The following ACBD6 variants were observed in gnomAD, a reference collection of about 807,000 sequenced individuals.
ACBD6 encodes acyl-CoA binding domain containing 6, also known as acyl-CoA-binding domain-containing protein 6.
ACBD6 carries 28 observed loss-of-function variants against 37.2 expected under a neutral mutation model. That is an observed-to-expected ratio of 0.75 (90% CI 0.56 to 1.03). The LOEUF (loss-of-function observed/expected upper bound fraction) is 1.03. Ranked by LOEUF, ACBD6 falls within the 50% of genes least tolerant of loss-of-function variation. The probability of loss-of-function intolerance (pLI) is 0.00; values close to 1 mark genes in which losing one functional copy is unlikely to be tolerated. For missense variants in ACBD6, 340 were observed against 337.4 expected, an observed-to-expected ratio of 1.01 and a Z score of -0.06; for synonymous variants, 113 against 126.8, an observed-to-expected ratio of 0.89 and a Z score of 0.73.
At chr1:180,422,211 CTT>C (rs112259081) in intron 4 of ACBD6, among the ~76,000 whole-genome samples, 5 of 144,636 alleles carry the variant, frequency 3.5e-5, no homozygotes, top group Admixed American at 6.9e-5. Context: ...TTTCTTTTTT[CTT>C]TTTTTTTTTT....
intron 6 of ACBD6, among the ~76,000 whole-genome samples, chr1:180,391,611 C>T (rs757023768): frequency 2.6e-4 from 40 of 152,240 alleles, no homozygotes; most frequent in Non-Finnish European, 3.4e-4. Context: ...GATGCTACTT[C>T]CCATACCTTA....
intron 3 of ACBD6, among the ~76,000 whole-genome samples, chr1:180,458,247 C>T (rs905323791): frequency 5.3e-5 from 8 of 152,194 alleles, no homozygotes; most frequent in Non-Finnish European, 1.2e-4. Context: ...GTTAGAACCA[C>T]TTTCAAAAAG....
intron 6 of ACBD6, among the ~76,000 whole-genome samples, chr1:180,337,809 C>T (rs1651803514): frequency 6.6e-6 from 1 of 152,220 alleles, no homozygotes; most frequent in South Asian, 2.1e-4. Flanking sequence ...AGCAAAGTCT[C>T]AGGGTACAAA....
At chr1:180,401,386 T>G (rs10913983) in intron 5 of ACBD6, among the ~76,000 whole-genome samples, 73,940 of 152,090 alleles carry the variant, frequency 0.49, 20,806 homozygotes, top group South Asian at 0.66. Flanking sequence ...CACATCTTAA[T>G]ATATGAAATG....
chr1:180,428,179 A>G (rs981449590), intron 4 of ACBD6, among the ~76,000 whole-genome samples: 4 of 152,180 alleles, frequency 2.6e-5, no homozygotes, highest in Admixed American at 6.5e-5. Context: ...TGATATCATA[A>G]GACTAATACT....
intron 6 of ACBD6, among the ~76,000 whole-genome samples, chr1:180,321,580 T>C (rs1013668970): frequency 4.6e-5 from 7 of 152,156 alleles, no homozygotes; most frequent in African/African-American, 1.7e-4. Context: ...TTTTTCAGAC[T>C]GTTTGCATAT....
intron 9 of ACBD6, chr1:180,276,220 T>C (rs2149270240): frequency 1.3e-5 from 2 of 152,298 alleles, no homozygotes; most frequent in Non-Finnish European, 2.9e-5. Flanking sequence ...CTACGAATGG[T>C]TGGTCACCTT....
intron 6 of ACBD6, among the ~76,000 whole-genome samples, chr1:180,348,754 A>AT (rs11415827): frequency 0.065 from 9,857 of 152,196 alleles, 792 homozygotes; most frequent in East Asian, 0.3. Context: ...AGTCTAATTC[A>AT]TTTTTTTGAT....
At chr1:180,270,029 T>C (rs2149265207) in exon 14 of ACBD6, 1 of 152,400 alleles carries the variant, frequency 6.6e-6, no homozygotes, top group African/African-American at 2.4e-5. Flanking sequence ...ATGTCCTGGC[T>C]GCACAGCTGC....
intron 6 of ACBD6, among the ~76,000 whole-genome samples, chr1:180,325,233 T>C (rs1314109843): frequency 1.3e-5 from 2 of 152,170 alleles, no homozygotes; most frequent in Non-Finnish European, 2.9e-5. Flanking sequence ...AACTCTTAGA[T>C]TTGCCCTTTT....
At chr1:180,332,680 T>G (rs1260948076) in intron 6 of ACBD6, among the ~76,000 whole-genome samples, 2 of 152,036 alleles carry the variant, frequency 1.3e-5, no homozygotes, top group Non-Finnish European at 2.9e-5. Context: ...TATATTATAG[T>G]GAGTTGTATA....
intron 1 of ACBD6, among the ~76,000 whole-genome samples, chr1:180,497,331 A>G (rs1490638166): frequency 6.6e-6 from 1 of 152,066 alleles, no homozygotes; most frequent in African/African-American, 2.4e-5. Context: ...GGATGTGTGG[A>G]AAAGTGATAC....
intron 3 of ACBD6, among the ~76,000 whole-genome samples, chr1:180,442,339 C>T (rs990774292): frequency 7.9e-5 from 12 of 151,944 alleles, no homozygotes; most frequent in African/African-American, 2.7e-4. Flanking sequence ...ATGTCTGGGG[C>T]AATTTTTTAG....
intron 6 of ACBD6, among the ~76,000 whole-genome samples, chr1:180,387,479 C>A (rs543769295): frequency 1.3e-5 from 2 of 152,330 alleles, no homozygotes; most frequent in South Asian, 2.1e-4. Flanking sequence ...TACCTCTGGG[C>A]AGGAGATGAA....
At chr1:180,449,060 T>C (rs558814409) in intron 3 of ACBD6, among the ~76,000 whole-genome samples, 2 of 152,150 alleles carry the variant, frequency 1.3e-5, no homozygotes, top group Non-Finnish European at 1.5e-5. Context: ...CACAAATAAA[T>C]AGATTAGTAT....
At chr1:180,373,326 G>A (rs1026595443) in intron 6 of ACBD6, among the ~76,000 whole-genome samples, 5 of 152,034 alleles carry the variant, frequency 3.3e-5, no homozygotes, top group Admixed American at 6.6e-5. Context: ...TGCTATTTCA[G>A]AGTTTCATTA....
At chr1:180,451,403 T>C (rs1417028789) in intron 3 of ACBD6, among the ~76,000 whole-genome samples, 1 of 152,176 alleles carries the variant, frequency 6.6e-6, no homozygotes, top group Non-Finnish European at 1.5e-5. Flanking sequence ...TAAAGATATA[T>C]GTACACACAA....
rs1651300452 is a variant in ACBD6, at chr1:180,327,496, G to A, written c.664-12774C>T. On this transcript the variant is annotated intron_variant, in intron 6 of 7. Coordinates refer to ENST00000367595, the MANE Select transcript of ACBD6 (RefSeq NM_032360.4). The stretch of plus-strand genomic sequence containing the variant: ...AACCAGGTACTGTGATTGCTCATCT[G>A]ATTTTTGGTTCTTATGACAGTGCTC... Among the ~76,000 whole-genome samples, 3 of 152,168 alleles carry A rather than the reference G, an allele frequency of 2.0e-5. No homozygotes were observed. The South Asian group carries it at 6.2e-4, about 32-fold the overall frequency.
At chr1:180,483,094 C>T (rs1015613395) in intron 3 of ACBD6, among the ~76,000 whole-genome samples, 4 of 152,108 alleles carry the variant, frequency 2.6e-5, no homozygotes, top group African/African-American at 7.2e-5. Flanking sequence ...CCCAACTCTG[C>T]CTCATTTTCT....
Sources: gnomAD v4.1 joint callset for allele counts (sites outside exome capture counted in the v4.1 genomes callset) on GRCh38, gnomAD v4.1.1 for gene constraint, MANE v1.5 for transcripts, NCBI Gene and HGNC (gene_info 2026-07-23, HGNC 2026-07-21) for gene names.